Variants in CYP2C8 observed in about 807,000 individuals in gnomAD.
The protein encoded by CYP2C8 is cytochrome P450 family 2 subfamily C member 8.
CYP2C8 carries 51 observed loss-of-function variants against 41.3 expected under a neutral mutation model. That is an observed-to-expected ratio of 1.24 (90% CI 0.99 to 1.56). CYP2C8 has a LOEUF of 1.56. Among genes scored for constraint, CYP2C8 ranks in the 40% most tolerant of loss-of-function variants. The pLI is 0.00. For synonymous variants in CYP2C8, 218 were observed against 205.8 expected, an observed-to-expected ratio of 1.06 and a Z score of -0.51; for missense variants, 651 against 579.9, an observed-to-expected ratio of 1.12 and a Z score of -1.26.
chr10:95,045,856 AG>A lies in CYP2C8; in HGVS notation c.914del (p.Thr305IlefsTer2). 3.7e-6 allele frequency: 6 copies of A among 1,614,040 alleles called. No homozygotes were observed. The highest frequency in any genetic ancestry group is 5.1e-6 in the Non-Finnish European group (6 of 1,179,924). The part of the protein sequence containing the change: ...FVAGTETTST[T>X]LRYGLLLLLK... ...GCAGGAGCAGGAGTCCATATCTCAG[AG>A]TGGTGCTTGTTGTCTCTGTTCCAGC... On this transcript the variant is annotated frameshift_variant, in exon 6 of 9. Transcript: ENST00000371270. LOFTEE classifies it high-confidence loss of function.
intron 4 of CYP2C8, among the ~76,000 whole-genome samples, chr10:95,064,055 C>A (rs111328885): frequency 0.08 from 12,139 of 152,234 alleles, 611 homozygotes; most frequent in Middle Eastern, 0.16. Flanking sequence ...GGGTGCCTCC[C>A]AGTTAGGCTA....
rs768111752 is a variant in CYP2C8, at chr10:95,039,022, G to A, written c.1166C>T (p.Ala389Val). Residue 389 changes from alanine (A) to valine (V), a missense_variant, in exon 8 of 9, where the codon GCA (alanine) becomes GTA (valine). By Grantham distance (64) the Ala-to-Val change is moderately conservative. Transcript: ENST00000371270. The part of the protein sequence containing the change: ...YLIPKGTTIM[A>V]LLTSVLHDDK... The stretch of plus-strand genomic sequence containing the variant: ...ATCATGTAGCACGGAAGTCAGTAAT[G>A]CCATTATGGTTGTGCCCTGGAAGTA... 4.3e-6 allele frequency: 7 copies of A among 1,613,450 alleles called. No individual in the cohort carries two copies. The Admixed American group carries it at 1.2e-4, about 27-fold the overall frequency.
intron 4 of CYP2C8, 57 bp downstream of exon 4, chr10:95,064,743 G>A: frequency 1.3e-6 from 2 of 1,539,540 alleles, no homozygotes; most frequent in Middle Eastern, 1.7e-4. Context: ...TTTAAACCAA[G>A]TCTTCCCTAC....
At chr10:95,066,538 T>TAA (rs1386614716) in intron 3 of CYP2C8, among the ~76,000 whole-genome samples, 1 of 152,200 alleles carries the variant, frequency 6.6e-6, no homozygotes, top group East Asian at 1.9e-4. Flanking sequence ...TTAAAATATA[T>TAA]TAATTGCTAC....
chr10:95,057,500 C>A (rs2033336263), intron 5 of CYP2C8, among the ~76,000 whole-genome samples: 1 of 151,876 alleles, frequency 6.6e-6, no homozygotes, highest in African/African-American at 2.4e-5. Context: ...CAAAAAAGCC[C>A]AAATAGTCTT....
intron 3 of CYP2C8, among the ~76,000 whole-genome samples, chr10:95,066,251 T>A (rs1212159586): frequency 6.6e-6 from 1 of 150,946 alleles, no homozygotes; most frequent in East Asian, 1.9e-4. Context: ...AGAGTGAATT[T>A]AAAAAGGTAA....
Position 95,069,478 on chromosome 10 carries a change from TG to T in CYP2C8, c.-77del. 1.7e-6 allele frequency: 2 copies of T among 1,194,074 alleles called. No homozygotes were observed. Among genetic ancestry groups the T allele is most frequent in the Non-Finnish European group, 2.5e-6 (2 of 807,378 alleles). The allele number at this position is 1,194,074 out of a possible 1,614,324, so 74.0% of individuals were successfully genotyped here. On this transcript the variant is annotated 5_prime_UTR_variant, in exon 1 of 9. It introduces an in-frame stop codon into an upstream open reading frame of the 5' UTR. Transcript: ENST00000371270. The stretch of plus-strand genomic sequence containing the variant: ...TTTATAACACTCCCTGCTAATTTAG[TG>T]TGTGTCTCTTTGACATGTAAAGTAA...
At chr10:95,063,055 A>T (rs1355130876) in intron 4 of CYP2C8, among the ~76,000 whole-genome samples, 15 of 152,072 alleles carry the variant, frequency 9.9e-5, no homozygotes, top group Admixed American at 9.8e-4. Context: ...GCCCTTTCTC[A>T]ATGGCTACCC....
chr10:95,041,451 T>C (rs1344218282), intron 7 of CYP2C8, among the ~76,000 whole-genome samples: 2 of 152,210 alleles, frequency 1.3e-5, no homozygotes, highest in Admixed American at 1.3e-4. Flanking sequence ...AGTGTTTGTC[T>C]TTTAGAACAG....
chr10:95,066,676 T>A (rs564764649), intron 3 of CYP2C8, among the ~76,000 whole-genome samples: 3 of 152,150 alleles, frequency 2.0e-5, no homozygotes, highest in Non-Finnish European at 4.4e-5. Context: ...ATACATAGTG[T>A]CATTGCTGGC....
rs143906739 is a variant in CYP2C8, at chr10:95,040,285, G to A, written c.1150-1247C>T. ...TGAGAAAGAAAAACCTCTTCTGGTTGTGTGCTTTGATGAAAACTGTGGATT... is the reference window on the plus strand; with the variant it reads ...TGAGAAAGAAAAACCTCTTCTGGTTATGTGCTTTGATGAAAACTGTGGATT... On this transcript the variant is annotated intron_variant, in intron 7 of 8. Transcript: ENST00000371270. Among the ~76,000 whole-genome samples, 491 of 152,222 alleles carry A rather than the reference G, an allele frequency of 3.2e-3. 1 individual carries two copies. The highest frequency in any genetic ancestry group is 0.011 in the African/African-American group (446 of 41,520).
chr10:95,065,080 G>T, intron 3 of CYP2C8, 120 bp from the exon 4 acceptor site: 1 of 938,730 alleles, frequency 1.1e-6, no homozygotes, highest in East Asian at 3.5e-5. Context: ...TTCCCCATGT[G>T]TCCAAAAAAA....
intron 6 of CYP2C8, among the ~76,000 whole-genome samples, chr10:95,044,743 T>C (rs569858967): frequency 6.6e-6 from 1 of 152,266 alleles, no homozygotes; most frequent in Admixed American, 6.5e-5. Flanking sequence ...ATCAGGTACC[T>C]GATAAAAGGA....
At chr10:95,061,358 G>A (rs1054523269) in intron 4 of CYP2C8, among the ~76,000 whole-genome samples, 1 of 152,104 alleles carries the variant, frequency 6.6e-6, no homozygotes, top group Non-Finnish European at 1.5e-5. Context: ...CTTCTTCCTG[G>A]TTTAGTCTTG....
chr10:95,068,218 A>AC (rs1200077072), intron 1 of CYP2C8, among the ~76,000 whole-genome samples: 2 of 152,146 alleles, frequency 1.3e-5, no homozygotes, highest in African/African-American at 4.8e-5. Flanking sequence ...TTACAGTGTC[A>AC]CCCCAGGTGA....
chr10:95,068,545 A>G, intron 1 of CYP2C8: 1 of 1,229,146 alleles, frequency 8.1e-7, no homozygotes, highest in East Asian at 5.6e-5. Flanking sequence ...AAAACACATG[A>G]CTACTATAGT....
rs1417567873 is a variant in CYP2C8, at chr10:95,058,094, T to C, written c.819+241A>G. 2.0e-5 allele frequency among the ~76,000 whole-genome samples: 3 copies of C among 152,192 alleles called. No homozygotes were observed. The East Asian group carries it at 5.8e-4, about 29-fold the overall frequency. ...TGTTTCCATTTGACTGCAGTGTCTA[T>C]ATTATTCTACTCATGTAGATTATTT... On this transcript the variant is annotated intron_variant, in intron 5 of 8. Coordinates refer to ENST00000371270, the MANE Select transcript of CYP2C8 (RefSeq NM_000770.3).
At chr10:95,043,576 G>A (rs541064331) in intron 6 of CYP2C8, among the ~76,000 whole-genome samples, 1 of 152,122 alleles carries the variant, frequency 6.6e-6, no homozygotes, top group South Asian at 2.1e-4. Context: ...AGTTTCTTCT[G>A]AAATTTATAT....
chr10:95,067,676 C>G lies in CYP2C8; in HGVS notation c.184G>C (p.Gly62Arg), dbSNP rs1402775528. 1 of 1,614,108 alleles carries G rather than the reference C, an allele frequency of 6.2e-7. No individual in the cohort carries two copies. The highest frequency in any genetic ancestry group is 8.5e-7 in the Non-Finnish European group (1 of 1,180,018). ...KSFTNFSKVY[G>R]PVFTVYFGMN... The stretch of plus-strand genomic sequence containing the variant: ...CCAAAATACACGGTGAACACAGGAC[C>G]ATAGACTTTTGAGAACTGGGAAAGG... The change falls in exon 2 of 9, where the codon GGT (glycine) becomes CGT (arginine). Residue 62 changes from glycine to arginine, a missense_variant. Gly to Arg is a moderately radical substitution (Grantham distance 125). Coordinates refer to ENST00000371270, the MANE Select transcript of CYP2C8 (RefSeq NM_000770.3).
Sources: allele counts gnomAD v4.1 joint callset (sites outside exome capture counted in the v4.1 genomes callset), GRCh38; gene constraint gnomAD v4.1.1; transcripts MANE v1.5; gene names NCBI Gene and HGNC (gene_info 2026-07-23, HGNC 2026-07-21).